RIMS2: variants seen among roughly 807,000 people sequenced by gnomAD.
The protein encoded by RIMS2 is regulating synaptic membrane exocytosis 2.
A neutral mutation model predicts 174.4 loss-of-function variants in RIMS2; 59 were observed. That is an observed-to-expected ratio of 0.34 (90% CI 0.27 to 0.42). RIMS2 has a LOEUF of 0.42. Among genes scored for constraint, RIMS2 ranks in the 10% least tolerant of loss-of-function variants. The pLI is 1.00. For synonymous variants in RIMS2, 606 were observed against 572.5 expected, an observed-to-expected ratio of 1.06 and a Z score of -0.84; for missense variants, 1,620 against 1,666.3, an observed-to-expected ratio of 0.97 and a Z score of 0.48.
chr8:103,740,154 T>C (rs973367172), intron 2 of RIMS2, among the ~76,000 whole-genome samples: 17 of 152,222 alleles, frequency 1.1e-4, no homozygotes, highest in African/African-American at 4.1e-4. Flanking sequence ...GTAGCTTTTC[T>C]TCTGTTGTCA....
At chr8:103,836,007 GATAAA>G (rs1162468691) in intron 3 of RIMS2, among the ~76,000 whole-genome samples, 1 of 152,124 alleles carries the variant, frequency 6.6e-6, no homozygotes, top group Non-Finnish European at 1.5e-5. Context: ...CTTCTGATCA[GATAAA>G]ATAAAGAGAC....
At chr8:103,623,778 C>T (rs13269260) in intron 1 of RIMS2, among the ~76,000 whole-genome samples, 27,485 of 151,284 alleles carry the variant, frequency 0.18, 2,724 homozygotes, top group African/African-American at 0.26. Context: ...CGTGAGCCAC[C>T]GCGCCCGGTC....
At chr8:103,955,938 G>A (rs896894114) in intron 14 of RIMS2, among the ~76,000 whole-genome samples, 1 of 152,144 alleles carries the variant, frequency 6.6e-6, no homozygotes, top group Admixed American at 6.5e-5. Context: ...AAAATCACAA[G>A]CATTCCTATA....
At chr8:104,075,965 T>G (rs1051933552) in intron 19 of RIMS2, among the ~76,000 whole-genome samples, 3 of 152,216 alleles carry the variant, frequency 2.0e-5, no homozygotes, top group Non-Finnish European at 2.9e-5. Context: ...AAGTTGCTTG[T>G]CCAAGCCAGC....
intron 3 of RIMS2, among the ~76,000 whole-genome samples, chr8:103,770,811 A>G (rs189197396): frequency 5.6e-4 from 85 of 151,972 alleles, no homozygotes; most frequent in African/African-American, 1.9e-3. Context: ...TCTTATCAGA[A>G]TGGGTTTTAT....
At chr8:103,899,959 C>T (rs1316632940) in intron 4 of RIMS2, among the ~76,000 whole-genome samples, 3 of 151,656 alleles carry the variant, frequency 2.0e-5, no homozygotes, top group Admixed American at 2.0e-4. Context: ...TTTCCCAGCA[C>T]CATTTGTTAA....
chr8:103,960,416 A>G (rs904305766), intron 14 of RIMS2, among the ~76,000 whole-genome samples: 6 of 152,316 alleles, frequency 3.9e-5, no homozygotes, highest in Admixed American at 3.3e-4. Flanking sequence ...AGAAAACATA[A>G]CAAAACTCAC....
chr8:104,177,093 T>C (rs568422588), intron 19 of RIMS2, among the ~76,000 whole-genome samples: 2 of 152,276 alleles, frequency 1.3e-5, no homozygotes, highest in African/African-American at 4.8e-5. Context: ...TGGTTAATAA[T>C]ATAATGTATT....
chr8:103,707,713 G>A (rs986848705), intron 2 of RIMS2, among the ~76,000 whole-genome samples: 32 of 152,172 alleles, frequency 2.1e-4, no homozygotes, highest in African/African-American at 7.7e-4. Flanking sequence ...CCAATCCCAT[G>A]GCGTCTCAAA....
At chr8:104,218,185 C>G (rs979877698) in intron 19 of RIMS2, among the ~76,000 whole-genome samples, 26 of 152,246 alleles carry the variant, frequency 1.7e-4, no homozygotes, top group Admixed American at 1.7e-3. Context: ...ATTCCCGTCT[C>G]TCTCAGCAAC....
chr8:104,135,460 G>C (rs1231175312), intron 19 of RIMS2, among the ~76,000 whole-genome samples: 2 of 151,882 alleles, frequency 1.3e-5, no homozygotes, highest in East Asian at 3.9e-4. Context: ...GAAAAAATTA[G>C]TCAGGTGTGG....
At chr8:103,832,527 C>G (rs1487037505) in intron 3 of RIMS2, among the ~76,000 whole-genome samples, 24 of 152,106 alleles carry the variant, frequency 1.6e-4, no homozygotes, top group Admixed American at 1.6e-3. Context: ...GATCCTCTCC[C>G]TTCTCCTCCC....
intron 1 of RIMS2, among the ~76,000 whole-genome samples, chr8:103,589,067 GAGAA>G (rs1176811394): frequency 6.6e-6 from 1 of 151,646 alleles, no homozygotes; most frequent in Non-Finnish European, 1.5e-5. Flanking sequence ...ATTCAGACAA[GAGAA>G]AGAAATAAAG....
chr8:104,179,491 A>G (rs1238623935), intron 19 of RIMS2, among the ~76,000 whole-genome samples: 1 of 151,884 alleles, frequency 6.6e-6, no homozygotes, highest in Non-Finnish European at 1.5e-5. Flanking sequence ...ATCCATTTTC[A>G]CTTGATAAAA....
At chr8:103,815,284 A>G (rs1252807999) in intron 3 of RIMS2, among the ~76,000 whole-genome samples, 1 of 152,166 alleles carries the variant, frequency 6.6e-6, no homozygotes, top group African/African-American at 2.4e-5. Flanking sequence ...CCTCTGGTCA[A>G]TATTTTGCCA....
chr8:103,668,335 G>C (rs2096700680), intron 1 of RIMS2, among the ~76,000 whole-genome samples: 1 of 152,138 alleles, frequency 6.6e-6, no homozygotes, highest in Admixed American at 6.5e-5. Context: ...GACTTTTCCA[G>C]GAATGTCCCA....
intron 1 of RIMS2, among the ~76,000 whole-genome samples, chr8:103,636,788 AC>A (rs768545308): frequency 0.26 from 11,439 of 43,382 alleles, 675 homozygotes; most frequent in Middle Eastern, 0.38. Flanking sequence ...CCACCCCCGC[AC>A]CCCCCCCCCC....
Position 103,635,517 on chromosome 8 carries a change from G to A in RIMS2, c.177-61569G>A, listed in dbSNP as rs995985044. On this transcript the variant is annotated intron_variant, in intron 1 of 23. Transcript: ENST00000504942. ...GCCCTTTCTAGTCCCTAGTCACCTC[G>A]GATCTTCCAGAACCTGGAGGTGTCA... is the stretch of plus-strand genomic sequence containing the variant. Among the ~76,000 whole-genome samples the A allele has an allele frequency of 4.6e-5, 7 of 152,326 alleles. No individual in the cohort carries two copies. The South Asian group carries it at 1.2e-3, about 27-fold the overall frequency.
At chr8:103,856,866 G>A (rs2099030322) in intron 3 of RIMS2, among the ~76,000 whole-genome samples, 1 of 151,794 alleles carries the variant, frequency 6.6e-6, no homozygotes, top group Non-Finnish European at 1.5e-5. Flanking sequence ...GAGTGCAGTG[G>A]CATGGTCTCG....
Sources: allele counts gnomAD v4.1 joint callset (sites outside exome capture counted in the v4.1 genomes callset), GRCh38; gene constraint gnomAD v4.1.1; transcripts MANE v1.5; gene names NCBI Gene and HGNC (gene_info 2026-07-23, HGNC 2026-07-21).